The following ZDHHC3 variants were observed in gnomAD, a reference collection of about 807,000 sequenced individuals.
ZDHHC3 encodes the protein zDHHC palmitoyltransferase 3.
ZDHHC3 carries 9 observed loss-of-function variants against 30.6 expected under a neutral mutation model. The ratio of observed to expected loss-of-function variants is 0.29; its 90% CI spans 0.18 to 0.51. ZDHHC3 has a LOEUF of 0.51. Among genes scored for constraint, ZDHHC3 ranks in the 20% least tolerant of loss-of-function variants. The probability of loss-of-function intolerance (pLI) is 0.97; values close to 1 mark genes in which losing one functional copy is unlikely to be tolerated. For synonymous variants in ZDHHC3, 136 were observed against 140.2 expected, an observed-to-expected ratio of 0.97 and a Z score of 0.21; for missense variants, 246 against 384.2, an observed-to-expected ratio of 0.64 and a Z score of 3.01.
In ZDHHC3 at chr3:44,918,338, G is replaced by T; in HGVS notation, c.*8351C>A. ...GGAGGTCCCTCAGAGGACTGCTGGGGTGTGGGTGGACAGCAGCGTGGAGGA... is the reference window on the plus strand; with the variant it reads ...GGAGGTCCCTCAGAGGACTGCTGGGTTGTGGGTGGACAGCAGCGTGGAGGA... On this transcript the variant is annotated 3_prime_UTR_variant, in exon 7 of 7. Coordinates refer to ENST00000424952, the MANE Select transcript of ZDHHC3 (RefSeq NM_001135179.2). 1 of 985,414 alleles carries T rather than the reference G, an allele frequency of 1.0e-6. No individual in the cohort carries two copies. Among genetic ancestry groups the T allele is most frequent in the Non-Finnish European group, 1.2e-6 (1 of 829,920 alleles). 61.0% of individuals were successfully genotyped at this position (985,414 alleles called of 1,614,324 possible). A position where few individuals can be genotyped will look rare whatever the true frequency, so the allele number is the denominator to read the frequency against.
Position 44,920,135 on chromosome 3 carries a change from C to T in ZDHHC3, c.*6554G>A. On this transcript the variant is annotated 3_prime_UTR_variant, in exon 7 of 7. Coordinates refer to ENST00000424952, the MANE Select transcript of ZDHHC3 (RefSeq NM_001135179.2). The stretch of plus-strand genomic sequence containing the variant: ...AATGAGCCAATGTTACTTTTATAAT[C>T]AGAACAAAAATAGTTGTTTCAGAAA... The T allele has an allele frequency of 1.6e-6, 2 of 1,249,558 alleles. No homozygotes were observed. The highest frequency in any genetic ancestry group is 2.1e-6 in the Non-Finnish European group (2 of 963,132). The allele number at this position is 1,249,558 out of a possible 1,614,324, so 77.4% of individuals were successfully genotyped here. A position where few individuals can be genotyped will look rare whatever the true frequency, so the allele number is the denominator to read the frequency against.
At chr3:44,934,641 C>T (rs537760625) in intron 3 of ZDHHC3, among the ~76,000 whole-genome samples, 13 of 151,190 alleles carry the variant, frequency 8.6e-5, no homozygotes, top group Admixed American at 4.0e-4. Context: ...CCTGTAATCC[C>T]GGCACTTTGC....
intron 5 of ZDHHC3, among the ~76,000 whole-genome samples, chr3:44,932,454 G>C (rs912315076): frequency 5.9e-5 from 9 of 152,204 alleles, no homozygotes; most frequent in Non-Finnish European, 1.2e-4. Context: ...CTCACAGATT[G>C]TGAGTATGAA....
At chr3:44,941,979 A>G (rs1702480484) in intron 3 of ZDHHC3, among the ~76,000 whole-genome samples, 1 of 152,152 alleles carries the variant, frequency 6.6e-6, no homozygotes, top group Admixed American at 6.5e-5. Flanking sequence ...TATGAACAGG[A>G]GATTTGACAC....
At position 44,926,006 on chromosome 3, in the gene ZDHHC3, T is replaced by C; in HGVS notation, c.*683A>G. Reference sequence around the variant, plus strand: ...CTCTTCCAAATAATCACAGGGAATATAATTGCTGATTCAGAATACAAATAA... The same window carrying C: ...CTCTTCCAAATAATCACAGGGAATACAATTGCTGATTCAGAATACAAATAA... On this transcript the variant is annotated 3_prime_UTR_variant, in exon 7 of 7. Transcript: ENST00000424952. 48 of 985,868 alleles carry C rather than the reference T, an allele frequency of 4.9e-5. No homozygotes were observed. Among genetic ancestry groups the C allele is most frequent in the Non-Finnish European group, 5.8e-5 (48 of 829,948 alleles). The allele number at this position is 985,868 out of a possible 1,614,324, so 61.1% of individuals were successfully genotyped here. A position where few individuals can be genotyped will look rare whatever the true frequency, so the allele number is the denominator to read the frequency against.
rs1700124741 is a variant in ZDHHC3 at position 44,915,792 on chromosome 3, A to G, written c.*10897T>C. On this transcript the variant is annotated 3_prime_UTR_variant, in exon 7 of 7. Transcript: ENST00000424952. Reference sequence around the variant, plus strand: ...TCCTCAGGCCTGAACTCACCATGGAAACCCATGTCAGCAAACAGTGACCAG... The same window carrying G: ...TCCTCAGGCCTGAACTCACCATGGAGACCCATGTCAGCAAACAGTGACCAG... 6.6e-6 allele frequency: 1 copy of G among 152,198 alleles called. No homozygotes were observed. The highest frequency in any genetic ancestry group is 6.5e-5 in the Admixed American group (1 of 15,268). The allele number at this position is 152,198 out of a possible 1,614,324, so 9.4% of individuals were successfully genotyped here.
Position 44,926,011 on chromosome 3 carries a change from G to C in ZDHHC3, c.*678C>G. 2.0e-6 allele frequency: 2 copies of C among 985,798 alleles called. No individual in the cohort carries two copies. The highest frequency in any genetic ancestry group is 2.4e-6 in the Non-Finnish European group (2 of 829,932). 61.1% of individuals were successfully genotyped at this position (985,798 alleles called of 1,614,324 possible). ...CCAAATAATCACAGGGAATATAATT[G>C]CTGATTCAGAATACAAATAAGACCT... On this transcript the variant is annotated 3_prime_UTR_variant, in exon 7 of 7. Coordinates refer to ENST00000424952, the MANE Select transcript of ZDHHC3 (RefSeq NM_001135179.2).
chr3:44,952,938 A>G (rs193096697), intron 2 of ZDHHC3, among the ~76,000 whole-genome samples: 19 of 152,366 alleles, frequency 1.2e-4, no homozygotes, highest in African/African-American at 3.8e-4. Context: ...GGAGGACAAG[A>G]CAACATCTGT....
At position 44,916,783 on chromosome 3, in the gene ZDHHC3, C is replaced by T. The variant is rs117678886; in HGVS notation, c.*9906G>A. ...CCTTCAGCAGTGGTCACAGACACCA[C>T]AGGCTTCAAATGGGGTGAATAGAGG... On this transcript the variant is annotated 3_prime_UTR_variant, in exon 7 of 7. Coordinates refer to ENST00000424952, the MANE Select transcript of ZDHHC3 (RefSeq NM_001135179.2). 0.019 allele frequency: 2,924 copies of T among 152,330 alleles called. 56 individuals carry two copies. Among genetic ancestry groups the T allele is most frequent in the Middle Eastern group, 0.083 (25 of 300 alleles). 9.4% of individuals were successfully genotyped at this position (152,330 alleles called of 1,614,324 possible). A position where few individuals can be genotyped will look rare whatever the true frequency, so the allele number is the denominator to read the frequency against.
chr3:44,921,146 CAGTCTGGGTG>C lies in ZDHHC3; in HGVS notation c.*5533_*5542del, dbSNP rs1700561382. 2.3e-5 allele frequency: 23 copies of C among 985,432 alleles called. No individual in the cohort carries two copies. The South Asian group carries it at 1.1e-3, about 46-fold the overall frequency. 61.0% of individuals were successfully genotyped at this position (985,432 alleles called of 1,614,324 possible). A position where few individuals can be genotyped will look rare whatever the true frequency, so the allele number is the denominator to read the frequency against. On this transcript the variant is annotated 3_prime_UTR_variant, in exon 7 of 7. Transcript: ENST00000424952. ...GTGTGATGGGCCTTTTGGCCCAGGT[CAGTCTGGGTG>C]ACACATGAGCTGTGATCTGTGAACA...
intron 2 of ZDHHC3, among the ~76,000 whole-genome samples, chr3:44,948,064 C>A (rs1034702402): frequency 6.6e-6 from 1 of 152,196 alleles, no homozygotes; most frequent in African/African-American, 2.4e-5. Flanking sequence ...AAGCTCCACT[C>A]CTCAGTAGGC....
At chr3:44,975,232 G>A (rs904559143) in intron 1 of ZDHHC3, 1 of 152,094 alleles carries the variant, frequency 6.6e-6, no homozygotes, top group East Asian at 1.9e-4. Flanking sequence ...GAGTTCCTTT[G>A]GTGACCCCAG....
chr3:44,943,926 C>T (rs1027937229), intron 3 of ZDHHC3, among the ~76,000 whole-genome samples: 4 of 152,028 alleles, frequency 2.6e-5, no homozygotes, highest in Admixed American at 2.0e-4. Context: ...AGTCTGAAGC[C>T]GCAGTGAGCT....
chr3:44,937,896 G>A (rs886793511), intron 3 of ZDHHC3: 5 of 486,886 alleles, frequency 1.0e-5, no homozygotes, highest in African/African-American at 7.9e-5. Context: ...GATTGACATG[G>A]TACCTTCTGC....
At chr3:44,947,011 A>G (rs1324845536) in intron 2 of ZDHHC3, among the ~76,000 whole-genome samples, 3 of 152,206 alleles carry the variant, frequency 2.0e-5, no homozygotes, top group East Asian at 3.8e-4. Context: ...GTTATTGTTG[A>G]TGGTCCAGTA....
chr3:44,964,338 T>C (rs1250219308), intron 1 of ZDHHC3, among the ~76,000 whole-genome samples: 2 of 152,154 alleles, frequency 1.3e-5, no homozygotes, highest in Non-Finnish European at 1.5e-5. Context: ...AAGTGAAGCA[T>C]ACTGCTTACA....
rs1376398131 is a variant in ZDHHC3, at chr3:44,915,875, T to G, written c.*10814A>C. The G allele has an allele frequency of 6.6e-6, 1 of 152,112 alleles. No individual in the cohort carries two copies. The highest frequency in any genetic ancestry group is 1.5e-5 in the Non-Finnish European group (1 of 68,030). 9.4% of individuals were successfully genotyped at this position (152,112 alleles called of 1,614,324 possible). On this transcript the variant is annotated 3_prime_UTR_variant, in exon 7 of 7. Transcript: ENST00000424952. ...CCTAGGAGACTCCAGGGGGCAGGCATTGCTTCCTCCCTAGTGTGAACTCTC... is the reference window on the plus strand; with the variant it reads ...CCTAGGAGACTCCAGGGGGCAGGCAGTGCTTCCTCCCTAGTGTGAACTCTC...
chr3:44,928,823 C>T (rs1454057334), intron 6 of ZDHHC3, among the ~76,000 whole-genome samples: 1 of 152,154 alleles, frequency 6.6e-6, no homozygotes, highest in Non-Finnish European at 1.5e-5. Context: ...AGGTAAAAGC[C>T]TGCTGCCCTG....
At chr3:44,974,126 T>C (rs904705013) in intron 1 of ZDHHC3, among the ~76,000 whole-genome samples, 3 of 152,212 alleles carry the variant, frequency 2.0e-5, no homozygotes, top group South Asian at 2.1e-4. Flanking sequence ...ATTGTTTTAG[T>C]AGACAATTTA....
Sources: gnomAD v4.1 joint callset for allele counts (sites outside exome capture counted in the v4.1 genomes callset) on GRCh38, gnomAD v4.1.1 for gene constraint, MANE v1.5 for transcripts, NCBI Gene and HGNC (gene_info 2026-07-23, HGNC 2026-07-21) for gene names.